Variants in TMEM132C observed in about 807,000 individuals in gnomAD.
TMEM132C encodes transmembrane protein 132C.
Under a neutral mutation model 61.4 loss-of-function variants are expected in TMEM132C, and 29 were observed. The ratio of observed to expected loss-of-function variants is 0.47; its 90% CI spans 0.35 to 0.64. TMEM132C has a LOEUF of 0.64. Among genes scored for constraint, TMEM132C ranks in the 30% least tolerant of loss-of-function variants. The pLI is 0.00. For missense variants in TMEM132C, 1,408 were observed against 1,476.9 expected (o/e 0.95, Z 0.76); for synonymous variants, 656 against 633.1 (o/e 1.04, Z -0.54).
intron 2 of TMEM132C, among the ~76,000 whole-genome samples, chr12:128,505,489 G>A (rs1010622032): frequency 2.0e-5 from 3 of 152,080 alleles, no homozygotes; most frequent in Non-Finnish European, 2.9e-5. Flanking sequence ...AAGTTCTTCC[G>A]GGATGAAATT....
chr12:128,367,451 C>T (rs751991065), intron 1 of TMEM132C, among the ~76,000 whole-genome samples: 5 of 152,124 alleles, frequency 3.3e-5, no homozygotes, highest in Non-Finnish European at 7.3e-5. Flanking sequence ...TACTCTCCAC[C>T]CCAGAGGGTT....
intron 4 of TMEM132C, 137 bp downstream of exon 4, chr12:128,616,472 C>A: frequency 1.1e-6 from 1 of 935,458 alleles, no homozygotes; most frequent in Non-Finnish European, 1.5e-6. Context: ...CTTTCCTCAC[C>A]CTGGAAGTTG....
At chr12:128,591,639 T>C (rs1875754573) in intron 3 of TMEM132C, among the ~76,000 whole-genome samples, 1 of 152,220 alleles carries the variant, frequency 6.6e-6, no homozygotes, top group Admixed American at 6.5e-5. Flanking sequence ...ATGGGAGCTC[T>C]ATTTTCAACT....
intron 3 of TMEM132C, among the ~76,000 whole-genome samples, chr12:128,609,127 C>A (rs1247733365): frequency 1.3e-5 from 2 of 151,408 alleles, no homozygotes; most frequent in African/African-American, 4.9e-5. Flanking sequence ...TAACCTCCAC[C>A]TCCCTGCAAC....
intron 2 of TMEM132C, among the ~76,000 whole-genome samples, chr12:128,522,748 CTTTG>C (rs1273274083): frequency 1.3e-5 from 2 of 152,254 alleles, no homozygotes; most frequent in African/African-American, 4.8e-5. Context: ...TGGGCCAAGT[CTTTG>C]TTTGAGAATA....
intron 1 of TMEM132C, among the ~76,000 whole-genome samples, chr12:128,356,422 G>A (rs73434675): frequency 7.2e-5 from 11 of 152,180 alleles, no homozygotes; most frequent in East Asian, 1.9e-4. Flanking sequence ...AAAACGCGTC[G>A]ACTCCATGTA....
At chr12:128,636,125 A>G (rs1478418002) in intron 4 of TMEM132C, among the ~76,000 whole-genome samples, 1 of 151,882 alleles carries the variant, frequency 6.6e-6, no homozygotes, top group Non-Finnish European at 1.5e-5. Context: ...ATCATAGCCC[A>G]CTGCAGTCTT....
chr12:128,561,193 T>C (rs1465641297), intron 3 of TMEM132C, among the ~76,000 whole-genome samples: 1 of 152,272 alleles, frequency 6.6e-6, no homozygotes, highest in African/African-American at 2.4e-5. Flanking sequence ...ATGTCAATGT[T>C]GTACTAGGCA....
At chr12:128,476,687 C>T (rs1871165351) in intron 2 of TMEM132C, among the ~76,000 whole-genome samples, 1 of 151,030 alleles carries the variant, frequency 6.6e-6, no homozygotes, top group Non-Finnish European at 1.5e-5. Flanking sequence ...CTCAGCTGCA[C>T]AGTACAAGCA....
At chr12:128,535,052 A>C (rs1873467910) in intron 2 of TMEM132C, among the ~76,000 whole-genome samples, 1 of 152,228 alleles carries the variant, frequency 6.6e-6, no homozygotes, top group Admixed American at 6.5e-5. Context: ...TATGAACACA[A>C]CTGGGGCATT....
intron 1 of TMEM132C, among the ~76,000 whole-genome samples, chr12:128,333,261 T>G (rs1872707868): frequency 6.6e-6 from 1 of 151,750 alleles, no homozygotes; most frequent in African/African-American, 2.4e-5. Flanking sequence ...GCGTGTTGCA[T>G]GTGTTGTGTT....
chr12:128,548,955 C>T (rs1038566787), intron 3 of TMEM132C, among the ~76,000 whole-genome samples: 1 of 152,176 alleles, frequency 6.6e-6, no homozygotes, highest in African/African-American at 2.4e-5. Context: ...ATCTAAAGGA[C>T]TTAAGCATCC....
intron 1 of TMEM132C, among the ~76,000 whole-genome samples, chr12:128,280,239 A>G (rs1361001718): frequency 2.6e-5 from 4 of 152,178 alleles, no homozygotes; most frequent in Non-Finnish European, 5.9e-5. Flanking sequence ...GCCCCCGTCA[A>G]TTTGAGGTGA....
chr12:128,446,091 T>C (rs1869971479), intron 2 of TMEM132C, among the ~76,000 whole-genome samples: 1 of 152,240 alleles, frequency 6.6e-6, no homozygotes, highest in African/African-American at 2.4e-5. Flanking sequence ...GACATGTATC[T>C]TCAGCCGAAA....
chr12:128,366,848 G>T (rs893239858), intron 1 of TMEM132C, among the ~76,000 whole-genome samples: 1 of 152,168 alleles, frequency 6.6e-6, no homozygotes, highest in South Asian at 2.1e-4. Flanking sequence ...GTCCTGAGTC[G>T]GAAAGACAGG....
chr12:128,672,166 T>C (rs1954538552), intron 5 of TMEM132C, among the ~76,000 whole-genome samples: 1 of 152,052 alleles, frequency 6.6e-6, no homozygotes, highest in Non-Finnish European at 1.5e-5. Flanking sequence ...ATCTAGTATG[T>C]GTTTTATACT....
chr12:128,472,235 G>T (rs1306271120), intron 2 of TMEM132C, among the ~76,000 whole-genome samples: 4 of 152,106 alleles, frequency 2.6e-5, no homozygotes, highest in Non-Finnish European at 5.9e-5. Flanking sequence ...GATAATACAA[G>T]ATTAAAGACA....
In TMEM132C at chr12:128,669,509, G is replaced by A; in HGVS notation, c.1398G>A (p.Met466Ile). Residue 466 changes from methionine (M) to isoleucine (I), a missense_variant, in exon 5 of 9, where the codon ATG (methionine) becomes ATA (isoleucine). Transcript: ENST00000435159. ...VVSVEENSAVMDISESVECKS... is the reference protein window; with the variant it reads ...VVSVEENSAVIDISESVECKS... Reference sequence around the variant, plus strand: ...CTGTGGAGGAGAACAGTGCCGTGATGGACATCTCAGAGTCGGTGGAGTGCA... The same window carrying A: ...CTGTGGAGGAGAACAGTGCCGTGATAGACATCTCAGAGTCGGTGGAGTGCA... 6.4e-7 allele frequency: 1 copy of A among 1,551,670 alleles called. No individual in the cohort carries two copies. Among genetic ancestry groups the A allele is most frequent in the Non-Finnish European group, 8.7e-7 (1 of 1,146,974 alleles).
At chr12:128,497,162 C>G (rs961412742) in intron 2 of TMEM132C, among the ~76,000 whole-genome samples, 1 of 152,108 alleles carries the variant, frequency 6.6e-6, no homozygotes, top group Non-Finnish European at 1.5e-5. Context: ...TGCTGAACAG[C>G]AAATGTTGCT....
Sources: allele counts gnomAD v4.1 joint callset (sites outside exome capture counted in the v4.1 genomes callset), GRCh38; gene constraint gnomAD v4.1.1; transcripts MANE v1.5; gene names NCBI Gene and HGNC (gene_info 2026-07-23, HGNC 2026-07-21).